Variants in GRIK2 observed in about 807,000 individuals in gnomAD.
The protein encoded by GRIK2 is glutamate receptor ionotropic, kainate 2.
Under a neutral mutation model 100.3 loss-of-function variants are expected in GRIK2, and 32 were observed. That is an observed-to-expected ratio of 0.32 (90% CI 0.24 to 0.43). The LOEUF (loss-of-function observed/expected upper bound fraction) is 0.43. Ranked by LOEUF, GRIK2 falls within the 20% of genes least tolerant of loss-of-function variation. The probability of loss-of-function intolerance (pLI) is 1.00; values close to 1 mark genes in which losing one functional copy is unlikely to be tolerated. For missense variants in GRIK2, 843 were observed against 1,114.9 expected (o/e 0.76, Z 3.47); for synonymous variants, 417 against 389.4 (o/e 1.07, Z -0.83).
At chr6:101,882,769 G>T (rs1562462138) in intron 11 of GRIK2, among the ~76,000 whole-genome samples, 3 of 151,916 alleles carry the variant, frequency 2.0e-5, no homozygotes, top group African/African-American at 4.8e-5. Flanking sequence ...TGTATAGTAT[G>T]GGAAATATAC....
At chr6:102,067,799 G>C (rs976854903) in intron 16 of GRIK2, among the ~76,000 whole-genome samples, 66 of 151,764 alleles carry the variant, frequency 4.3e-4, no homozygotes, top group Non-Finnish European at 7.1e-4. Flanking sequence ...GTTTCTATAG[G>C]CATAATCACA....
chr6:101,824,578 T>G (rs1782192992), intron 10 of GRIK2, among the ~76,000 whole-genome samples: 1 of 152,188 alleles, frequency 6.6e-6, no homozygotes, highest in South Asian at 2.1e-4. Flanking sequence ...ATCAAAAGAT[T>G]AGTAGCATTT....
rs112274283 is a variant in GRIK2, at chr6:101,525,860, A to G, written c.116-96089A>G. Among the ~76,000 whole-genome samples the G allele has an allele frequency of 6.6e-5, 10 of 152,230 alleles. 1 individual carries two copies. The highest frequency in any genetic ancestry group is 2.4e-4 in the African/African-American group (10 of 41,522). ...ATATTAATCACGCTCACAATTTCCT[A>G]CTTTCTCTTCTGAGTACAATGCTGT... is the stretch of plus-strand genomic sequence containing the variant. On this transcript the variant is annotated intron_variant, in intron 2 of 16. Transcript: ENST00000369134.
chr6:101,510,057 C>A (rs1490900156), intron 2 of GRIK2, among the ~76,000 whole-genome samples: 1 of 152,012 alleles, frequency 6.6e-6, no homozygotes, highest in East Asian at 1.9e-4. Context: ...TTAAAGTATA[C>A]TTCTAAATTT....
intron 10 of GRIK2, among the ~76,000 whole-genome samples, chr6:101,841,523 C>G (rs768270092): frequency 2.0e-5 from 3 of 152,020 alleles, no homozygotes; most frequent in Non-Finnish European, 4.4e-5. Flanking sequence ...ACCACCATGC[C>G]CGGCTAAGTT....
intron 14 of GRIK2, among the ~76,000 whole-genome samples, chr6:101,986,748 A>G (rs1416104042): frequency 6.6e-6 from 1 of 151,898 alleles, no homozygotes; most frequent in Non-Finnish European, 1.5e-5. Context: ...ATTACAGTTC[A>G]TGCCTGAAAC....
At chr6:101,794,952 G>A (rs1780188923) in intron 7 of GRIK2, among the ~76,000 whole-genome samples, 1 of 149,036 alleles carries the variant, frequency 6.7e-6, no homozygotes, top group African/African-American at 2.5e-5. Context: ...TGCAACTTCT[G>A]CCTCCCGGGT....
In GRIK2 at chr6:101,924,653, G is replaced by C; in HGVS notation, c.1801G>C (p.Val601Leu). 6.2e-7 allele frequency: 1 copy of C among 1,612,220 alleles called. No homozygotes were observed. Among genetic ancestry groups the C allele is most frequent in the Non-Finnish European group, 8.5e-7 (1 of 1,178,266 alleles). The change falls in exon 13 of 17, where the codon GTG (valine) becomes CTG (leucine). Residue 601 changes from valine (V) to leucine (L), a missense_variant. Physicochemically the swap from Val to Leu is conservative, Grantham distance 32. Transcript: ENST00000369134. Reference sequence around the variant, plus strand: ...ACACCCTTGCAACCCTGACTCAGACGTGGTGGAAAACAATTTTACCTTGCT... The same window carrying C: ...ACACCCTTGCAACCCTGACTCAGACCTGGTGGAAAACAATTTTACCTTGCT... ...NPHPCNPDSD[V>L]VENNFTLLNS...
intron 14 of GRIK2, among the ~76,000 whole-genome samples, chr6:101,960,453 G>T (rs1471614609): frequency 2.0e-5 from 3 of 152,100 alleles, no homozygotes; most frequent in Non-Finnish European, 4.4e-5. Flanking sequence ...TCATCCTGGA[G>T]AAATTGTCAT....
intron 10 of GRIK2, among the ~76,000 whole-genome samples, chr6:101,831,751 A>T (rs1372259350): frequency 6.6e-6 from 1 of 152,062 alleles, no homozygotes; most frequent in Non-Finnish European, 1.5e-5. Flanking sequence ...TTCCTGTAGC[A>T]TTTACGGGAG....
At chr6:101,765,779 A>G (rs1009769179) in intron 7 of GRIK2, among the ~76,000 whole-genome samples, 7 of 152,132 alleles carry the variant, frequency 4.6e-5, no homozygotes, top group African/African-American at 1.7e-4. Context: ...GGAAGGCACT[A>G]TTTTAAAGTA....
intron 14 of GRIK2, among the ~76,000 whole-genome samples, chr6:101,987,164 T>A (rs1264675716): frequency 6.6e-6 from 1 of 151,592 alleles, no homozygotes; most frequent in Non-Finnish European, 1.5e-5. Context: ...AATAAATAAA[T>A]AAAAATAAAA....
intron 15 of GRIK2, among the ~76,000 whole-genome samples, chr6:102,049,052 A>G (rs1282252518): frequency 1.3e-5 from 2 of 152,138 alleles, no homozygotes. Flanking sequence ...CAATTTTAGT[A>G]TACAGCTATA....
chr6:101,498,338 G>A (rs1773561351), intron 2 of GRIK2, among the ~76,000 whole-genome samples: 1 of 152,042 alleles, frequency 6.6e-6, no homozygotes, highest in South Asian at 2.1e-4. Context: ...ACGTGTGCAT[G>A]TGTCTTTATA....
At chr6:101,915,211 G>C (rs1429436072) in intron 12 of GRIK2, among the ~76,000 whole-genome samples, 1 of 151,064 alleles carries the variant, frequency 6.6e-6, no homozygotes, top group Non-Finnish European at 1.5e-5. Flanking sequence ...AAAATATTTT[G>C]GGATATATGT....
intron 14 of GRIK2, among the ~76,000 whole-genome samples, chr6:102,016,797 G>A (rs552738463): frequency 6.6e-6 from 1 of 151,896 alleles, no homozygotes; most frequent in Admixed American, 6.6e-5. Flanking sequence ...TATTTCACAA[G>A]AAGATTATAC....
intron 2 of GRIK2, among the ~76,000 whole-genome samples, chr6:101,589,165 TGTTGTG>T (rs927056290): frequency 6.6e-6 from 1 of 152,152 alleles, no homozygotes; most frequent in African/African-American, 2.4e-5. Flanking sequence ...CAGTTTTGTT[TGTTGTG>T]GTTTTTATTT....
At chr6:101,417,662 G>T (rs557906711) in intron 2 of GRIK2, among the ~76,000 whole-genome samples, 2 of 152,156 alleles carry the variant, frequency 1.3e-5, no homozygotes, top group Non-Finnish European at 2.9e-5. Context: ...AAATATTGCC[G>T]TATGTTAGCC....
intron 2 of GRIK2, among the ~76,000 whole-genome samples, chr6:101,561,473 A>G (rs192369688): frequency 6.0e-4 from 92 of 152,274 alleles, no homozygotes; most frequent in African/African-American, 2.2e-3. Flanking sequence ...ATTGTATAGT[A>G]GGGAAGTTAT....
Sources: allele counts gnomAD v4.1 joint callset (sites outside exome capture counted in the v4.1 genomes callset), GRCh38; gene constraint gnomAD v4.1.1; transcripts MANE v1.5; gene names NCBI Gene and HGNC (gene_info 2026-07-23, HGNC 2026-07-21).